The following CAMK4 variants were observed in gnomAD, a reference collection of about 807,000 sequenced individuals.
The protein encoded by CAMK4 is calcium/calmodulin-dependent protein kinase type IV.
A neutral mutation model predicts 44.9 loss-of-function variants in CAMK4; 22 were observed. That is an observed-to-expected ratio of 0.49 (90% CI 0.35 to 0.70). CAMK4 has a LOEUF of 0.70. CAMK4 is among the 30% of genes least tolerant of loss of function. The pLI is 0.01. For missense variants in CAMK4, 498 were observed against 586.8 expected (o/e 0.85, Z 1.56); for synonymous variants, 218 against 215.4 (o/e 1.01, Z -0.11).
intron 1 of CAMK4, among the ~76,000 whole-genome samples, chr5:111,262,426 C>T (rs929477591): frequency 2.6e-5 from 4 of 152,096 alleles, no homozygotes; most frequent in African/African-American, 9.7e-5. Flanking sequence ...AAAGGGATGG[C>T]TCCCAGGTTC....
rs1755817988 is a variant in CAMK4, at chr5:111,491,245, C to T, written c.*6779C>T. 6.6e-6 allele frequency: 1 copy of T among 152,108 alleles called. No individual in the cohort carries two copies. Among genetic ancestry groups the T allele is most frequent in the Non-Finnish European group, 1.5e-5 (1 of 68,034 alleles). 9.4% of individuals were successfully genotyped at this position (152,108 alleles called of 1,614,324 possible). On this transcript the variant is annotated 3_prime_UTR_variant, in exon 11 of 11. Coordinates refer to ENST00000282356, the MANE Select transcript of CAMK4 (RefSeq NM_001744.6). ...GAACACAGGCATGCTCATTTATGTA[C>T]ATATTGTTTGTGGCTGCTTTTATGT... is the stretch of plus-strand genomic sequence containing the variant.
intron 5 of CAMK4, among the ~76,000 whole-genome samples, chr5:111,439,683 T>C (rs1244338591): frequency 6.6e-6 from 1 of 151,928 alleles, no homozygotes; most frequent in Non-Finnish European, 1.5e-5. Flanking sequence ...AGGCAGGCAA[T>C]AGAGATTTGG....
chr5:111,477,593 C>G (rs1755292384), intron 8 of CAMK4, among the ~76,000 whole-genome samples: 1 of 152,198 alleles, frequency 6.6e-6, no homozygotes, highest in Non-Finnish European at 1.5e-5. Flanking sequence ...CTTTTCCTTT[C>G]TCTCTTGTTA....
intron 2 of CAMK4, 101 bp from the exon 3 acceptor site, chr5:111,374,749 G>T (rs912597605): frequency 1.4e-6 from 1 of 735,568 alleles, no homozygotes; most frequent in South Asian, 1.5e-5. Flanking sequence ...TAGGCTCTGC[G>T]AATTGCCTGA....
intron 1 of CAMK4, among the ~76,000 whole-genome samples, chr5:111,250,801 T>G (rs1749453889): frequency 6.6e-6 from 1 of 152,138 alleles, no homozygotes; most frequent in East Asian, 1.9e-4. Flanking sequence ...CCCTTCAGTT[T>G]TCTCATATTT....
intron 1 of CAMK4, among the ~76,000 whole-genome samples, chr5:111,261,670 A>T (rs1244901937): frequency 6.6e-6 from 1 of 151,588 alleles, no homozygotes; most frequent in Non-Finnish European, 1.5e-5. Context: ...CAAAAGTTGG[A>T]GAGAATGCCC....
rs370174393 is a variant in CAMK4 at position 111,486,481 on chromosome 5, C to T, written c.*2015C>T. ...TTAAGAGGATCAATTTCCTGTTGTA[C>T]TTTTTACCATGAGACTGAAACACAC... On this transcript the variant is annotated 3_prime_UTR_variant, in exon 11 of 11. Transcript: ENST00000282356. 4 of 142,336 alleles carry T rather than the reference C, an allele frequency of 2.8e-5. No individual in the cohort carries two copies. The highest frequency in any genetic ancestry group is 4.7e-4 in the South Asian group (2 of 4,280). 8.8% of individuals were successfully genotyped at this position (142,336 alleles called of 1,614,324 possible).
intron 5 of CAMK4, among the ~76,000 whole-genome samples, chr5:111,444,936 C>A (rs184487136): frequency 2.0e-4 from 30 of 152,234 alleles, no homozygotes; most frequent in African/African-American, 7.2e-4. Context: ...TCCAGCTCAG[C>A]AAAAGTTAAA....
chr5:111,237,913 A>G (rs1748804661), intron 1 of CAMK4, among the ~76,000 whole-genome samples: 1 of 152,248 alleles, frequency 6.6e-6, no homozygotes, highest in African/African-American at 2.4e-5. Flanking sequence ...TCATCGATCA[A>G]AAAGAAATGC....
chr5:111,384,732 G>T (rs1168696987), intron 4 of CAMK4, among the ~76,000 whole-genome samples: 2 of 151,948 alleles, frequency 1.3e-5, no homozygotes, highest in Non-Finnish European at 2.9e-5. Flanking sequence ...CAGTGCTTCT[G>T]CCCTGTTGCA....
intron 7 of CAMK4, among the ~76,000 whole-genome samples, chr5:111,470,215 C>A (rs1755015636): frequency 6.6e-6 from 1 of 152,220 alleles, no homozygotes; most frequent in African/African-American, 2.4e-5. Context: ...CTGTGGGGTA[C>A]AGATTGCCCC....
intron 1 of CAMK4, among the ~76,000 whole-genome samples, chr5:111,289,363 GAA>G (rs990660099): frequency 8.5e-5 from 13 of 152,130 alleles, no homozygotes; most frequent in African/African-American, 3.1e-4. Context: ...AGAAGAAAAA[GAA>G]AAAAGAAATA....
rs1755718822 is a variant in CAMK4 at position 111,488,788 on chromosome 5, TTGACTC to T, written c.*4323_*4328del. ...ATCAGCACTAGCATTTTCTTGATGG[TTGACTC>T]AATGTATAATTAACAAATATACATA... On this transcript the variant is annotated 3_prime_UTR_variant, in exon 11 of 11. Transcript: ENST00000282356. 1 of 152,190 alleles carries T rather than the reference TTGACTC, an allele frequency of 6.6e-6. No homozygotes were observed. The highest frequency in any genetic ancestry group is 1.5e-5 in the Non-Finnish European group (1 of 68,034). 9.4% of individuals were successfully genotyped at this position (152,190 alleles called of 1,614,324 possible). A position where few individuals can be genotyped will look rare whatever the true frequency, so the allele number is the denominator to read the frequency against.
chr5:111,352,975 G>A (rs900473035), intron 2 of CAMK4, among the ~76,000 whole-genome samples: 2 of 152,082 alleles, frequency 1.3e-5, no homozygotes, highest in African/African-American at 4.8e-5. Flanking sequence ...GGATGGGAGT[G>A]CAAAATTGAC....
Position 111,346,249 on chromosome 5 carries a change from C to T in CAMK4, c.240+2147C>T, listed in dbSNP as rs190963562. 3.5e-3 allele frequency among the ~76,000 whole-genome samples: 530 copies of T among 151,698 alleles called. 2 individuals are homozygous for T. Among genetic ancestry groups the T allele is most frequent in the Non-Finnish European group, 5.3e-3 (362 of 67,840 alleles). Reference sequence around the variant, plus strand: ...AGAGAATTCAGCCAAGGGGTCTGCTCCTGAGGAAAAAAAACAAAAGGGTTC... The same window carrying T: ...AGAGAATTCAGCCAAGGGGTCTGCTTCTGAGGAAAAAAAACAAAAGGGTTC... On this transcript the variant is annotated intron_variant, in intron 2 of 10. Coordinates refer to ENST00000282356, the MANE Select transcript of CAMK4 (RefSeq NM_001744.6).
chr5:111,321,356 C>A (rs1240069266), intron 1 of CAMK4, among the ~76,000 whole-genome samples: 1 of 152,142 alleles, frequency 6.6e-6, no homozygotes, highest in Admixed American at 6.6e-5. Context: ...AAACATTCAG[C>A]ATTTTTTAAA....
chr5:111,246,212 A>G (rs1271916000), intron 1 of CAMK4, among the ~76,000 whole-genome samples: 3 of 152,198 alleles, frequency 2.0e-5, no homozygotes, highest in Non-Finnish European at 1.5e-5. Context: ...GAATAGCTGG[A>G]AAGCACAAAG....
chr5:111,344,002 T>C lies in CAMK4; in HGVS notation c.162-22T>C, dbSNP rs1307319223. Reference sequence around the variant, plus strand: ...TCATGTCCAAAGCATAACATTTTCTTTTTGTCTTTTTCCCCCTCAAGGGGT... The same window carrying C: ...TCATGTCCAAAGCATAACATTTTCTCTTTGTCTTTTTCCCCCTCAAGGGGT... On this transcript the variant is annotated intron_variant, in intron 1 of 10. Coordinates refer to ENST00000282356, the MANE Select transcript of CAMK4 (RefSeq NM_001744.6). 2.8e-6 allele frequency: 4 copies of C among 1,453,138 alleles called. No individual in the cohort carries two copies. The Admixed American group carries it at 5.4e-5, about 20-fold the overall frequency. 90.0% of individuals were successfully genotyped at this position (1,453,138 alleles called of 1,614,324 possible).
chr5:111,243,942 G>C (rs996868839), intron 1 of CAMK4, among the ~76,000 whole-genome samples: 9 of 152,130 alleles, frequency 5.9e-5, no homozygotes, highest in Non-Finnish European at 1.3e-4. Context: ...AATTCAACCA[G>C]TCCAGTGTTT....
Sources: gnomAD v4.1 joint callset for allele counts (sites outside exome capture counted in the v4.1 genomes callset) on GRCh38, gnomAD v4.1.1 for gene constraint, MANE v1.5 for transcripts, NCBI Gene and HGNC (gene_info 2026-07-23, HGNC 2026-07-21) for gene names.